The following ABTB3 variants were observed in gnomAD, a reference collection of about 807,000 sequenced individuals.
ABTB3 encodes ankyrin repeat and BTB domain containing 3, also known as ankyrin repeat- and BTB/POZ domain-containing protein 3.
the ABTB3 span, chr12:107,320,206 G>A: frequency 1.7e-5 from 22 of 1,301,512 alleles, no homozygotes; most frequent in South Asian, 2.4e-5. Flanking sequence ...GAGGCGGCCG[G>A]GCTGGAGGTA....
chr12:107,624,447 C>T, the ABTB3 span, among the ~76,000 whole-genome samples: 1 of 152,152 alleles, frequency 6.6e-6, no homozygotes, highest in Non-Finnish European at 1.5e-5. Context: ...AGAAAATTCC[C>T]ATCACCACAA....
chr12:107,594,083 T>C, the ABTB3 span, among the ~76,000 whole-genome samples: 1 of 152,216 alleles, frequency 6.6e-6, no homozygotes. Context: ...GGGGATGCAT[T>C]AAGGGCTTGC....
At chr12:107,503,689 C>A in the ABTB3 span, among the ~76,000 whole-genome samples, 1 of 140,568 alleles carries the variant, frequency 7.1e-6, no homozygotes, top group Admixed American at 7.7e-5. Flanking sequence ...CCCAGGAGGT[C>A]GAGGCTGCAC....
At chr12:107,508,608 C>A in the ABTB3 span, among the ~76,000 whole-genome samples, 1 of 151,652 alleles carries the variant, frequency 6.6e-6, no homozygotes, top group Non-Finnish European at 1.5e-5. Context: ...GCATGTGCCA[C>A]CATGCCCGGC....
At chr12:107,390,848 A>G in the ABTB3 span, among the ~76,000 whole-genome samples, 144 of 152,356 alleles carry the variant, frequency 9.5e-4, 1 homozygote, top group African/African-American at 3.3e-3. Context: ...AGCACTTTCC[A>G]TGAATTAATT....
the ABTB3 span, among the ~76,000 whole-genome samples, chr12:107,534,999 T>C: frequency 6.6e-6 from 1 of 152,126 alleles, no homozygotes; most frequent in East Asian, 1.9e-4. Context: ...AAAAAGAAAA[T>C]TATAGATCAA....
the ABTB3 span, among the ~76,000 whole-genome samples, chr12:107,511,295 G>C: frequency 1.5e-4 from 23 of 152,222 alleles, no homozygotes; most frequent in African/African-American, 5.5e-4. Context: ...ATAAGTACCA[G>C]TTAGATATTG....
the ABTB3 span, among the ~76,000 whole-genome samples, chr12:107,453,675 A>C: frequency 0.056 from 8,457 of 152,288 alleles, 765 homozygotes; most frequent in African/African-American, 0.19. Context: ...TAATGTGATC[A>C]CATTTACATT....
At chr12:107,478,413 T>C in the ABTB3 span, among the ~76,000 whole-genome samples, 1 of 152,200 alleles carries the variant, frequency 6.6e-6, no homozygotes, top group African/African-American at 2.4e-5. Flanking sequence ...ATGCCTACCA[T>C]GCCTAGTCTT....
At chr12:107,332,827 G>C in the ABTB3 span, among the ~76,000 whole-genome samples, 12 of 152,178 alleles carry the variant, frequency 7.9e-5, no homozygotes, top group Non-Finnish European at 1.6e-4. Flanking sequence ...GCCCTGCTAG[G>C]GTTGGGCTAC....
chr12:107,569,370 T>C, the ABTB3 span, among the ~76,000 whole-genome samples: 1 of 152,244 alleles, frequency 6.6e-6, no homozygotes, highest in African/African-American at 2.4e-5. Flanking sequence ...ACTCTTAGAA[T>C]GTCTATATTG....
chr12:107,513,227 T>G, the ABTB3 span, among the ~76,000 whole-genome samples: 116 of 152,348 alleles, frequency 7.6e-4, no homozygotes, highest in African/African-American at 2.5e-3. Flanking sequence ...GAAGGTTGGA[T>G]GGATCAATGC....
At chr12:107,486,309 T>C in the ABTB3 span, among the ~76,000 whole-genome samples, 1 of 152,190 alleles carries the variant, frequency 6.6e-6, no homozygotes, top group Non-Finnish European at 1.5e-5. Flanking sequence ...AACTCACAGG[T>C]TGGCAAACAT....
At chr12:107,452,122 G>T in the ABTB3 span, among the ~76,000 whole-genome samples, 10 of 151,916 alleles carry the variant, frequency 6.6e-5, no homozygotes, top group African/African-American at 2.2e-4. Context: ...CTGACTATGT[G>T]CCAGACACTG....
chr12:107,642,715 G>T, the ABTB3 span, among the ~76,000 whole-genome samples: 2 of 152,138 alleles, frequency 1.3e-5, no homozygotes, highest in Admixed American at 6.5e-5. Context: ...AGGAGCTGCT[G>T]TACTTTAGGG....
chr12:107,560,094 A>T, the ABTB3 span, among the ~76,000 whole-genome samples: 2 of 152,210 alleles, frequency 1.3e-5, no homozygotes, highest in Admixed American at 1.3e-4. Context: ...TACCATAAGC[A>T]TATTCCTGGT....
the ABTB3 span, among the ~76,000 whole-genome samples, chr12:107,627,364 C>A: frequency 6.6e-6 from 1 of 152,194 alleles, no homozygotes; most frequent in African/African-American, 2.4e-5. Context: ...TGAAAATGAC[C>A]ACTGTGTGCC....
At chr12:107,612,910 C>T in the ABTB3 span, 1 of 1,579,878 alleles carries the variant, frequency 6.3e-7, no homozygotes, top group Non-Finnish European at 8.7e-7. Context: ...GGCCGGCAGT[C>T]CCCAGGGGAA....
chr12:107,412,746 G>A, the ABTB3 span, among the ~76,000 whole-genome samples: 1 of 151,950 alleles, frequency 6.6e-6, no homozygotes, highest in Non-Finnish European at 1.5e-5. Flanking sequence ...TGAATTAAAG[G>A]AACTCTGAAT....
Sources: gnomAD v4.1 joint callset for allele counts (sites outside exome capture counted in the v4.1 genomes callset) on GRCh38, gnomAD v4.1.1 for gene constraint, MANE v1.5 for transcripts, NCBI Gene and HGNC (gene_info 2026-07-23, HGNC 2026-07-21) for gene names.